GULP1: variants seen among roughly 807,000 people sequenced by gnomAD.
The protein encoded by GULP1 is PTB domain-containing engulfment adapter protein 1.
Under a neutral mutation model 40.9 loss-of-function variants are expected in GULP1, and 19 were observed. The observed-to-expected ratio is 0.46, with a 90% CI of 0.32 to 0.68. The LOEUF is 0.68. Ranked by LOEUF, GULP1 falls within the 30% of genes least tolerant of loss-of-function variation. The pLI is 0.03. For synonymous variants in GULP1, 119 were observed against 117.6 expected (o/e 1.01, Z -0.08); for missense variants, 312 against 362.2 (o/e 0.86, Z 1.12).
At chr2:188,297,839 A>T (rs774693510) in intron 1 of GULP1, among the ~76,000 whole-genome samples, 2 of 152,152 alleles carry the variant, frequency 1.3e-5, no homozygotes, top group African/African-American at 2.4e-5. Flanking sequence ...ATCAAACAGA[A>T]CATTTGTAGT....
At chr2:188,366,072 G>A (rs2046740823) in intron 1 of GULP1, among the ~76,000 whole-genome samples, 1 of 152,054 alleles carries the variant, frequency 6.6e-6, no homozygotes, top group African/African-American at 2.4e-5. Context: ...CATCCCTCAG[G>A]TTATCCAACT....
At chr2:188,461,402 C>T (rs1236352638) in intron 2 of GULP1, among the ~76,000 whole-genome samples, 1 of 149,122 alleles carries the variant, frequency 6.7e-6, no homozygotes, top group African/African-American at 2.5e-5. Context: ...CTCACTGCAA[C>T]CTCCGCCTCC....
chr2:188,327,741 G>C (rs886179259), intron 1 of GULP1, among the ~76,000 whole-genome samples: 1 of 152,136 alleles, frequency 6.6e-6, no homozygotes, highest in Admixed American at 6.6e-5. Flanking sequence ...CTAATGGGAT[G>C]CTGAGTTAGG....
intron 7 of GULP1, chr2:188,541,680 C>T (rs1000089207): frequency 1.6e-5 from 6 of 378,384 alleles, no homozygotes; most frequent in African/African-American, 4.2e-5. Flanking sequence ...GGTGAGCAAA[C>T]GTGTGTTTCC....
chr2:188,368,923 G>GTATA lies in GULP1; in HGVS notation c.-171-14832_-171-14829dup, dbSNP rs751685636. Reference sequence around the variant, plus strand: ...ATTAATAGATAGAATATATATATATGTATATATATATGTGTGTATATATAT... The same window carrying GTATA: ...ATTAATAGATAGAATATATATATATGTATATATATATATATGTGTGTATATATAT... On this transcript the variant is annotated intron_variant, in intron 1 of 11. Transcript: ENST00000409830. 2.6e-3 allele frequency among the ~76,000 whole-genome samples: 283 copies of GTATA among 107,518 alleles called. 2 individuals are homozygous for GTATA. Among genetic ancestry groups the GTATA allele is most frequent in the Middle Eastern group, 5.6e-3 (1 of 178 alleles). The allele number at this position is 107,518 out of a possible 152,430, so 70.5% of individuals were successfully genotyped here.
chr2:188,392,778 CTT>C (rs890679939), intron 2 of GULP1, among the ~76,000 whole-genome samples: 6 of 151,998 alleles, frequency 3.9e-5, no homozygotes, highest in African/African-American at 1.4e-4. Flanking sequence ...GATTTTGTAA[CTT>C]ATGTCGCTAT....
chr2:188,405,957 A>G (rs2053033141), intron 2 of GULP1, among the ~76,000 whole-genome samples: 1 of 152,240 alleles, frequency 6.6e-6, no homozygotes. Flanking sequence ...CTGACACTAA[A>G]GAAATGCAGA....
rs570941611 is a variant in GULP1 at position 188,538,834 on chromosome 2, AATC to A, written c.262-2345_262-2343del. The stretch of plus-strand genomic sequence containing the variant: ...CATATACATAAGTGACACACAAAAA[AATC>A]AATCATTTCATTCTAGATGTATGTT... On this transcript the variant is annotated intron_variant, in intron 6 of 11. Transcript: ENST00000409830. Among the ~76,000 whole-genome samples, 178 of 152,202 alleles carry A rather than the reference AATC, an allele frequency of 1.2e-3. 1 individual carries two copies. Among genetic ancestry groups the A allele is most frequent in the Admixed American group, 3.3e-3 (50 of 15,266 alleles).
chr2:188,414,989 A>C (rs1211451389), intron 2 of GULP1, among the ~76,000 whole-genome samples: 2 of 152,190 alleles, frequency 1.3e-5, no homozygotes, highest in Admixed American at 1.3e-4. Flanking sequence ...TGTTATATCA[A>C]GAGTAAATAT....
In GULP1 at chr2:188,541,316, T is replaced by C; in HGVS notation, c.397T>C (p.Cys133Arg). The change falls in exon 7 of 12, where the codon TGT becomes CGT. Residue 133 changes from cysteine (C) to arginine (R), a missense_variant and splice_region_variant. Physicochemically the swap from Cys to Arg is radical, Grantham distance 180 (BLOSUM62 -3). Transcript: ENST00000409830. The stretch of plus-strand genomic sequence containing the variant: ...GTGCTATGTATTTGACAGCGAAAAG[T>C]GTGTAAGTATCCCAGATGTTGTAGG... Reference protein sequence around the residue: ...HLCYVFDSEKCAEEITLTIGQ... With the variant: ...HLCYVFDSEKRAEEITLTIGQ... 1.2e-6 allele frequency: 2 copies of C among 1,612,982 alleles called. No individual in the cohort carries two copies. Among genetic ancestry groups the C allele is most frequent in the Non-Finnish European group, 1.7e-6 (2 of 1,179,036 alleles).
chr2:188,359,290 T>G (rs2045777159), intron 1 of GULP1, among the ~76,000 whole-genome samples: 1 of 152,150 alleles, frequency 6.6e-6, no homozygotes. Flanking sequence ...GGAGATGTAG[T>G]GATGAGCAAA....
intron 9 of GULP1, among the ~76,000 whole-genome samples, chr2:188,573,308 C>T (rs916477792): frequency 2.0e-5 from 3 of 152,024 alleles, no homozygotes; most frequent in Admixed American, 1.3e-4. Context: ...CAAATGAGCT[C>T]CCAAATTCCT....
intron 9 of GULP1, among the ~76,000 whole-genome samples, chr2:188,581,466 A>T (rs1344620023): frequency 2.6e-5 from 4 of 152,144 alleles, no homozygotes; most frequent in African/African-American, 9.7e-5. Flanking sequence ...TAAAGACTTA[A>T]TTATTACTTC....
At chr2:188,556,180 C>T (rs530091535) in intron 7 of GULP1, among the ~76,000 whole-genome samples, 1 of 152,118 alleles carries the variant, frequency 6.6e-6, no homozygotes, top group African/African-American at 2.4e-5. Flanking sequence ...TTTGAATTTT[C>T]AGTAATTTTA....
Position 188,503,697 on chromosome 2 carries a change from T to C in GULP1, c.91-19059T>C, listed in dbSNP as rs1023607909. 2.0e-5 allele frequency among the ~76,000 whole-genome samples: 3 copies of C among 151,836 alleles called. 1 individual carries two copies. Among genetic ancestry groups the C allele is most frequent in the East Asian group, 1.9e-4 (1 of 5,154 alleles). ...ACACCCCTGATTTAAACCATAGCAG[T>C]CTCCTTTTCTTGTAACCATAACTAG... is the stretch of plus-strand genomic sequence containing the variant. On this transcript the variant is annotated intron_variant, in intron 4 of 11. Coordinates refer to ENST00000409830, the MANE Select transcript of GULP1 (RefSeq NM_016315.4).
intron 1 of GULP1, among the ~76,000 whole-genome samples, chr2:188,374,264 A>G: frequency 6.6e-6 from 1 of 152,106 alleles, no homozygotes; most frequent in East Asian, 1.9e-4. Context: ...ATATTAGCTC[A>G]ATTTGGGAGA....
chr2:188,428,437 T>G (rs1255330272), intron 2 of GULP1, among the ~76,000 whole-genome samples: 1 of 152,174 alleles, frequency 6.6e-6, no homozygotes, highest in African/African-American at 2.4e-5. Context: ...TCATAATGAA[T>G]TATAATCCCC....
intron 2 of GULP1, among the ~76,000 whole-genome samples, chr2:188,474,341 C>G (rs2060831722): frequency 6.6e-6 from 1 of 152,146 alleles, no homozygotes; most frequent in Admixed American, 6.5e-5. Flanking sequence ...CCTAGACTGC[C>G]TTTCCAGTTT....
At chr2:188,539,692 A>G (rs1689935706) in intron 6 of GULP1, among the ~76,000 whole-genome samples, 1 of 152,096 alleles carries the variant, frequency 6.6e-6, no homozygotes, top group Admixed American at 6.6e-5. Flanking sequence ...TTGGTTTACC[A>G]TTGTATGCAG....
Sources: gnomAD v4.1 joint callset for allele counts (sites outside exome capture counted in the v4.1 genomes callset) on GRCh38, gnomAD v4.1.1 for gene constraint, MANE v1.5 for transcripts, NCBI Gene and HGNC (gene_info 2026-07-23, HGNC 2026-07-21) for gene names.